SMAD1: variants seen among roughly 807,000 people sequenced by gnomAD.
SMAD1 encodes the protein MAD, mothers against decapentaplegic homolog 1.
SMAD1 carries 6 observed loss-of-function variants against 41.6 expected under a neutral mutation model. The ratio of observed to expected loss-of-function variants is 0.14; its 90% CI spans 0.08 to 0.28. The LOEUF (loss-of-function observed/expected upper bound fraction) is 0.28. SMAD1 is among the 10% of genes least tolerant of loss of function. The pLI is 1.00. For missense variants in SMAD1, 379 were observed against 582.6 expected, an observed-to-expected ratio of 0.65 and a Z score of 3.60; for synonymous variants, 206 against 203.2, an observed-to-expected ratio of 1.01 and a Z score of -0.12.
At chr4:145,536,487 AT>A (rs1213926815) in intron 2 of SMAD1, among the ~76,000 whole-genome samples, 1 of 152,204 alleles carries the variant, frequency 6.6e-6, no homozygotes, top group African/African-American at 2.4e-5. Context: ...ATCTAAGACA[AT>A]ATGACCATCA....
At chr4:145,538,044 GTT>G (rs1335671921) in intron 2 of SMAD1, among the ~76,000 whole-genome samples, 2 of 152,164 alleles carry the variant, frequency 1.3e-5, no homozygotes, top group African/African-American at 4.8e-5. Context: ...GTGGGGAGTG[GTT>G]TAGGGGCCAA....
At chr4:145,528,191 C>T (rs570507107) in intron 2 of SMAD1, among the ~76,000 whole-genome samples, 1 of 151,990 alleles carries the variant, frequency 6.6e-6, no homozygotes, top group Non-Finnish European at 1.5e-5. Flanking sequence ...GCAACCTCCA[C>T]CTCCTGGGTT....
rs76288225 is a variant in SMAD1, at chr4:145,509,949, G to T, written c.-176-4489G>T. Among the ~76,000 whole-genome samples the T allele has an allele frequency of 6.2e-3, 946 of 152,270 alleles. 5 individuals are homozygous for T. The highest frequency in any genetic ancestry group is 0.011 in the Admixed American group (163 of 15,296). ...AAATTATTCATCAGGCATTTAGTGA[G>T]AATCAGCTATGTGCCAGGTACTATG... On this transcript the variant is annotated intron_variant, in intron 1 of 6. Coordinates refer to ENST00000302085, the MANE Select transcript of SMAD1 (RefSeq NM_005900.3).
At chr4:145,490,371 G>A (rs902246444) in intron 1 of SMAD1, among the ~76,000 whole-genome samples, 6 of 152,196 alleles carry the variant, frequency 3.9e-5, no homozygotes, top group Non-Finnish European at 5.9e-5. Context: ...CTTTCACTGG[G>A]ATGGTGAGGA....
rs1220990011 is a variant in SMAD1, at chr4:145,553,947, A to G, written c.1161A>G (p.Glu387=). The G allele has an allele frequency of 6.2e-7, 1 of 1,613,910 alleles. No homozygotes were observed. The highest frequency in any genetic ancestry group is 1.3e-5 in the African/African-American group (1 of 74,856). ...GTCTGAAAATTTTTAACAACCAAGA[A>G]TTTGCTCAGTTATTGGCACAGTCTG... is the stretch of plus-strand genomic sequence containing the variant. ...GCSLKIFNNQ[E]FAQLLAQSVN... is the part of the protein sequence containing the mutation. The change falls in exon 6 of 7, where the codon GAA becomes GAG. Residue 387 remains glutamate (E), a synonymous_variant. Transcript: ENST00000302085.
intron 2 of SMAD1, among the ~76,000 whole-genome samples, chr4:145,528,236 T>C (rs1731140695): frequency 6.6e-6 from 1 of 151,978 alleles, no homozygotes; most frequent in Non-Finnish European, 1.5e-5. Context: ...CTTGAGTAGC[T>C]GGGATTACAG....
rs1399192812 is a variant in SMAD1, at chr4:145,558,727, T to A, written c.*793T>A. Among the ~76,000 whole-genome samples, 1 of 104,210 alleles carries A rather than the reference T, an allele frequency of 9.6e-6. No individual in the cohort carries two copies. The highest frequency in any genetic ancestry group is 2.2e-5 in the Non-Finnish European group (1 of 45,646). The allele number at this position is 104,210 out of a possible 152,430, so 68.4% of individuals were successfully genotyped here. On this transcript the variant is annotated 3_prime_UTR_variant, in exon 7 of 7. Transcript: ENST00000302085. ...TTCCATTTTTTAGAGATTTTTATCATTTTTTTCTCTCTCGGCATTCTTTTT... is the reference window on the plus strand; with the variant it reads ...TTCCATTTTTTAGAGATTTTTATCAATTTTTTCTCTCTCGGCATTCTTTTT...
intron 3 of SMAD1, among the ~76,000 whole-genome samples, chr4:145,541,058 C>G (rs1055057254): frequency 1.3e-5 from 2 of 152,066 alleles, no homozygotes; most frequent in African/African-American, 4.8e-5. Flanking sequence ...GGTTGGGAGA[C>G]AGACTAGTTT....
At chr4:145,552,707 T>C (rs1732617223) in intron 5 of SMAD1, among the ~76,000 whole-genome samples, 1 of 152,216 alleles carries the variant, frequency 6.6e-6, no homozygotes, top group Admixed American at 6.5e-5. Context: ...AGTTCCTCTC[T>C]TCTCTTTCTC....
intron 1 of SMAD1, among the ~76,000 whole-genome samples, chr4:145,492,712 C>G (rs1728838974): frequency 6.6e-6 from 1 of 152,222 alleles, no homozygotes; most frequent in Non-Finnish European, 1.5e-5. Flanking sequence ...ATCCTCTAAT[C>G]TTGCCACCAT....
chr4:145,552,231 C>G (rs1732588160), intron 5 of SMAD1, among the ~76,000 whole-genome samples: 1 of 152,188 alleles, frequency 6.6e-6, no homozygotes, highest in Non-Finnish European at 1.5e-5. Flanking sequence ...ATTGTTTTCT[C>G]TATATCAGGC....
At chr4:145,497,245 T>C (rs1182297307) in intron 1 of SMAD1, 1 of 152,228 alleles carries the variant, frequency 6.6e-6, no homozygotes, top group African/African-American at 2.4e-5. Context: ...CTGGTTGATA[T>C]TTGGACTATT....
intron 3 of SMAD1, among the ~76,000 whole-genome samples, chr4:145,541,731 T>C (rs559004785): frequency 5.1e-4 from 77 of 152,312 alleles, no homozygotes; most frequent in African/African-American, 1.6e-3. Context: ...CGATTACTTA[T>C]CCAAACATTC....
Position 145,540,057 on chromosome 4 carries a change from G to C in SMAD1, c.654G>C (p.Met218Ile). Residue 218 changes from methionine (M) to isoleucine (I), a missense_variant, in exon 3 of 7, where the codon ATG (methionine) becomes ATC (isoleucine). Met to Ile is a conservative substitution (Grantham distance 10). Coordinates refer to ENST00000302085, the MANE Select transcript of SMAD1 (RefSeq NM_005900.3). ...TSSDPGSPFQ[M>I]PADTPPPAYL... ...CAGACCCAGGAAGCCCTTTCCAGAT[G>C]CCAGGTAGGTTGGAATGTTCAGTGA... is the stretch of plus-strand genomic sequence containing the variant. 1 of 1,614,032 alleles carries C rather than the reference G, an allele frequency of 6.2e-7. No individual in the cohort carries two copies.
chr4:145,492,018 A>T (rs1008884001), intron 1 of SMAD1, among the ~76,000 whole-genome samples: 3 of 152,224 alleles, frequency 2.0e-5, no homozygotes, highest in Non-Finnish European at 2.9e-5. Context: ...TGTTTAAAAA[A>T]AATGTAAAAG....
At chr4:145,537,569 G>GT (rs1731683232) in intron 2 of SMAD1, among the ~76,000 whole-genome samples, 1 of 151,962 alleles carries the variant, frequency 6.6e-6, no homozygotes, top group African/African-American at 2.4e-5. Flanking sequence ...GCATTGAGTT[G>GT]GTTTTTTTTC....
Position 145,558,697 on chromosome 4 carries a change from T to G in SMAD1, c.*763T>G, listed in dbSNP as rs150510342. Reference sequence around the variant, plus strand: ...AAACAAACTGATACCTGAATTTTGCTGTGTTTCCATTTTTTAGAGATTTTT... The same window carrying G: ...AAACAAACTGATACCTGAATTTTGCGGTGTTTCCATTTTTTAGAGATTTTT... On this transcript the variant is annotated 3_prime_UTR_variant, in exon 7 of 7. Transcript: ENST00000302085. 6.6e-6 allele frequency among the ~76,000 whole-genome samples: 1 copy of G among 150,558 alleles called. No homozygotes were observed. The highest frequency in any genetic ancestry group is 2.5e-5 in the African/African-American group (1 of 40,700).
chr4:145,521,108 G>A (rs1009573394), intron 2 of SMAD1, among the ~76,000 whole-genome samples: 1 of 152,204 alleles, frequency 6.6e-6, no homozygotes, highest in African/African-American at 2.4e-5. Context: ...TGTCCCTGCT[G>A]ATGATTTAAC....
rs1395718238 is a variant in SMAD1, at chr4:145,482,129, CCGT to C, written c.-177+93_-177+95del. The C allele has an allele frequency of 1.3e-5, 2 of 149,944 alleles. No individual in the cohort carries two copies. Among genetic ancestry groups the C allele is most frequent in the African/African-American group, 4.9e-5 (2 of 40,782 alleles). 9.3% of individuals were successfully genotyped at this position (149,944 alleles called of 1,614,324 possible). ...CCCGGGCTTTCCAGCGCCGCCGCCG[CCGT>C]CTCTGCACGCGTGGGGCCGCCGCGG... On this transcript the variant is annotated intron_variant, in intron 1 of 6. Transcript: ENST00000302085. This position sits in a 1 kb window ranked among gnomAD's most constrained non-coding sequence, Gnocchi z 4.2.
Sources: gnomAD v4.1 joint callset for allele counts (sites outside exome capture counted in the v4.1 genomes callset) on GRCh38, gnomAD v4.1.1 for gene constraint, Gnocchi (gnomAD v3.1) non-coding constraint, MANE v1.5 for transcripts, NCBI Gene and HGNC (gene_info 2026-07-23, HGNC 2026-07-21) for gene names.